Variants in CHST11 observed in about 807,000 individuals in gnomAD.
CHST11 encodes C4S-1.
Under a neutral mutation model 30.4 loss-of-function variants are expected in CHST11, and 9 were observed. That is an observed-to-expected ratio of 0.30 (90% CI 0.18 to 0.52). The LOEUF (loss-of-function observed/expected upper bound fraction) is 0.52. Among genes scored for constraint, CHST11 ranks in the 20% least tolerant of loss-of-function variants. The pLI, the probability that CHST11 is intolerant of heterozygous loss-of-function variation, is 0.97. For missense variants in CHST11, 348 were observed against 460.6 expected (o/e 0.76, Z 2.24); for synonymous variants, 152 against 187.8 (o/e 0.81, Z 1.56).
chr12:104,605,892 C>T (rs2039000104), intron 2 of CHST11, among the ~76,000 whole-genome samples: 2 of 152,168 alleles, frequency 1.3e-5, no homozygotes, highest in South Asian at 4.1e-4. Flanking sequence ...TTCTGCCCCG[C>T]CCACCTCCTG....
rs1373972366 is a variant in CHST11 at position 104,457,483 on chromosome 12, A to G, written c.72A>G (p.Gly24=). The G allele has an allele frequency of 6.2e-7, 1 of 1,614,156 alleles. No homozygotes were observed. Among genetic ancestry groups the G allele is most frequent in the Non-Finnish European group, 8.5e-7 (1 of 1,179,960 alleles). Residue 24 remains glycine, a synonymous_variant, in exon 1 of 3, where the codon GGA becomes GGG. Coordinates refer to ENST00000303694, the MANE Select transcript of CHST11 (RefSeq NM_018413.6). ...ICRMVLATCL[G]SFILVIFYFQ... ...GGATGGTGCTGGCCACTTGCTTGGG[A>G]TCCTTTATCCTGGTCATCTTCTATT...
At chr12:104,756,850 A>T (rs1263762032) in intron 2 of CHST11, 99 bp from the exon 3 acceptor site, 3 of 1,387,984 alleles carry the variant, frequency 2.2e-6, no homozygotes, top group Non-Finnish European at 2.9e-6. Context: ...CCCAGCTTAG[A>T]TATGTGTTTG....
At chr12:104,744,058 G>A (rs572616472) in intron 2 of CHST11, among the ~76,000 whole-genome samples, 13 of 152,310 alleles carry the variant, frequency 8.5e-5, no homozygotes, top group Non-Finnish European at 1.6e-4. Flanking sequence ...CAGTGCTGCA[G>A]TGAACACATG....
At chr12:104,717,811 A>G (rs2040143031) in intron 2 of CHST11, among the ~76,000 whole-genome samples, 2 of 145,104 alleles carry the variant, frequency 1.4e-5, no homozygotes, top group Admixed American at 1.4e-4. Context: ...TTCGCTGGGC[A>G]AGGTGGTGGG....
intron 1 of CHST11, chr12:104,552,247 C>T (rs2038412095): frequency 6.6e-6 from 1 of 152,322 alleles, no homozygotes; most frequent in South Asian, 2.1e-4. Flanking sequence ...TCCTCAGGAT[C>T]TTCCTTTCCC....
chr12:104,701,081 A>T (rs1326034731), intron 2 of CHST11, among the ~76,000 whole-genome samples: 1 of 152,128 alleles, frequency 6.6e-6, no homozygotes, highest in African/African-American at 2.4e-5. Context: ...ATAACACCAG[A>T]TGCCTGCCAT....
rs184121459 is a variant in CHST11 at position 104,620,407 on chromosome 12, G to A, written c.204+18416G>A. Among the ~76,000 whole-genome samples the A allele has an allele frequency of 1.8e-4, 28 of 152,288 alleles. No homozygotes were observed. The East Asian group carries it at 5.4e-3, about 29-fold the overall frequency. Reference sequence around the variant, plus strand: ...AATTATTCACGGTCATGGGGGAAAGGGATTGAATGAGAAATAGAAATCCAC... The same window carrying A: ...AATTATTCACGGTCATGGGGGAAAGAGATTGAATGAGAAATAGAAATCCAC... On this transcript the variant is annotated intron_variant, in intron 2 of 2. Transcript: ENST00000303694.
chr12:104,658,417 A>G (rs1175917300), intron 2 of CHST11, among the ~76,000 whole-genome samples: 5 of 152,156 alleles, frequency 3.3e-5, no homozygotes, highest in Non-Finnish European at 4.4e-5. Flanking sequence ...CAGACACATT[A>G]GATTGGGACC....
At chr12:104,550,665 G>C (rs544530998) in intron 1 of CHST11, among the ~76,000 whole-genome samples, 5 of 152,178 alleles carry the variant, frequency 3.3e-5, no homozygotes, top group African/African-American at 9.7e-5. Flanking sequence ...CCTCTGTCTT[G>C]CCCATATGGG....
At chr12:104,565,518 C>T (rs563064040) in intron 1 of CHST11, among the ~76,000 whole-genome samples, 11 of 152,154 alleles carry the variant, frequency 7.2e-5, no homozygotes, top group Admixed American at 1.3e-4. Context: ...CCACCTGCCT[C>T]GGCCTCCCAA....
intron 2 of CHST11, 67 bp downstream of exon 2, chr12:104,602,058 T>C (rs1312253585): frequency 1.7e-6 from 2 of 1,171,990 alleles, no homozygotes. Flanking sequence ...CTAAAAACTC[T>C]AAAATTGTGG....
intron 1 of CHST11, among the ~76,000 whole-genome samples, chr12:104,546,578 A>G (rs1290230852): frequency 2.6e-5 from 4 of 152,188 alleles, no homozygotes; most frequent in Admixed American, 1.3e-4. Context: ...TTTTGCTTCA[A>G]TATGGATGGA....
At chr12:104,604,355 T>G (rs1250908679) in intron 2 of CHST11, among the ~76,000 whole-genome samples, 2 of 152,194 alleles carry the variant, frequency 1.3e-5, no homozygotes, top group East Asian at 1.9e-4. Flanking sequence ...CTGGCCCCAT[T>G]AGCCAGCAAC....
chr12:104,738,370 T>G (rs1412552313), intron 2 of CHST11, among the ~76,000 whole-genome samples: 1 of 152,162 alleles, frequency 6.6e-6, no homozygotes, highest in Non-Finnish European at 1.5e-5. Flanking sequence ...AGCTCACTCC[T>G]CCTCTGTGGG....
chr12:104,523,340 C>A (rs906602468), intron 1 of CHST11, among the ~76,000 whole-genome samples: 1 of 152,210 alleles, frequency 6.6e-6, no homozygotes, highest in Non-Finnish European at 1.5e-5. Flanking sequence ...GTGAGGGAAG[C>A]CAACTTGAAT....
intron 2 of CHST11, among the ~76,000 whole-genome samples, chr12:104,667,323 C>T (rs757194063): frequency 2.6e-5 from 4 of 152,150 alleles, no homozygotes; most frequent in African/African-American, 9.7e-5. Context: ...AAATGAAAGT[C>T]GTCCAGCCTC....
chr12:104,524,453 C>G (rs1020882137), intron 1 of CHST11, among the ~76,000 whole-genome samples: 2 of 152,164 alleles, frequency 1.3e-5, no homozygotes, highest in African/African-American at 4.8e-5. Flanking sequence ...AGAAAACAGA[C>G]ATAGACACGT....
chr12:104,557,660 G>A (rs2038470690), intron 1 of CHST11, among the ~76,000 whole-genome samples: 1 of 152,098 alleles, frequency 6.6e-6, no homozygotes, highest in African/African-American at 2.4e-5. Context: ...TTTGTTGAGT[G>A]AATTGAAGGA....
At chr12:104,500,651 A>G (rs2037844761) in intron 1 of CHST11, among the ~76,000 whole-genome samples, 1 of 152,194 alleles carries the variant, frequency 6.6e-6, no homozygotes. Flanking sequence ...TCTTGAAGCT[A>G]CATATATGTT....
Sources: allele counts gnomAD v4.1 joint callset (sites outside exome capture counted in the v4.1 genomes callset), GRCh38; gene constraint gnomAD v4.1.1; transcripts MANE v1.5; gene names NCBI Gene and HGNC (gene_info 2026-07-23, HGNC 2026-07-21).